Variants in DPP10 observed in about 807,000 individuals in gnomAD.
DPP10 encodes dipeptidyl peptidase like 10.
Under a neutral mutation model 120.9 loss-of-function variants are expected in DPP10, and 33 were observed. The observed-to-expected ratio is 0.27, with a 90% CI of 0.21 to 0.37. The LOEUF (loss-of-function observed/expected upper bound fraction) is 0.37. Among genes scored for constraint, DPP10 ranks in the 10% least tolerant of loss-of-function variants. The pLI, the probability that DPP10 is intolerant of heterozygous loss-of-function variation, is 1.00. For missense variants in DPP10, 816 were observed against 942.8 expected (o/e 0.87, Z 1.76); for synonymous variants, 337 against 326.1 (o/e 1.03, Z -0.36).
rs559025826 is a variant in DPP10, at chr2:115,779,989, C to T, written c.1362-885C>T. Among the ~76,000 whole-genome samples, 9 of 151,994 alleles carry T rather than the reference C, an allele frequency of 5.9e-5. No homozygotes were observed. The South Asian group carries it at 1.7e-3, about 28-fold the overall frequency. The stretch of plus-strand genomic sequence containing the variant: ...CCTGTTCCAATCCCCATACCTACAG[C>T]GTATTGCACATCAAAATCAACGTGA... On this transcript the variant is annotated intron_variant, in intron 15 of 25. Transcript: ENST00000410059.
At chr2:115,647,255 C>T (rs1047791784) in intron 5 of DPP10, among the ~76,000 whole-genome samples, 2 of 152,138 alleles carry the variant, frequency 1.3e-5, no homozygotes, top group Non-Finnish European at 2.9e-5. Context: ...CTATACATTA[C>T]CCAGAGAAAT....
chr2:114,817,282 G>T lies in DPP10; in HGVS notation c.60+374444G>T, dbSNP rs374687887. Among the ~76,000 whole-genome samples the T allele has an allele frequency of 2.1e-4, 30 of 145,784 alleles. No homozygotes were observed. The South Asian group carries it at 6.6e-3, about 32-fold the overall frequency. On this transcript the variant is annotated intron_variant, in intron 1 of 25. Coordinates refer to ENST00000410059, the MANE Select transcript of DPP10 (RefSeq NM_020868.6). ...AAGATTAGACCTATAGTGATAGGGG[G>T]ATATCAGCCAGTGTCCTGGCCAAAA...
At chr2:114,526,787 C>A (rs975718232) in intron 1 of DPP10, among the ~76,000 whole-genome samples, 1 of 152,102 alleles carries the variant, frequency 6.6e-6, no homozygotes, top group Non-Finnish European at 1.5e-5. Context: ...TACCTAATCA[C>A]CTCCCCAAAG....
chr2:115,121,925 C>T (rs1422071131), intron 1 of DPP10, among the ~76,000 whole-genome samples: 1 of 152,172 alleles, frequency 6.6e-6, no homozygotes, highest in East Asian at 1.9e-4. Flanking sequence ...CAAAGGAAAA[C>T]TAGATTTTTG....
At position 114,897,585 on chromosome 2, in the gene DPP10, C is replaced by T. The variant is rs1409498584; in HGVS notation, c.61-411654C>T. ...AACCTACAAAATGGGAGAAAATTTT[C>T]ACAACCTACTCATCTGACAAAGGGC... On this transcript the variant is annotated intron_variant, in intron 1 of 25. Coordinates refer to ENST00000410059, the MANE Select transcript of DPP10 (RefSeq NM_020868.6). 8.6e-5 allele frequency among the ~76,000 whole-genome samples: 13 copies of T among 151,944 alleles called. No individual in the cohort carries two copies. The East Asian group carries it at 1.7e-3, about 20-fold the overall frequency.
intron 13 of DPP10, among the ~76,000 whole-genome samples, chr2:115,772,919 T>C (rs1001278388): frequency 1.3e-5 from 2 of 152,134 alleles, no homozygotes; most frequent in Non-Finnish European, 2.9e-5. Context: ...TGAAAAATTA[T>C]ATGTGGGTGA....
At chr2:115,791,026 G>A (rs1417910708) in intron 17 of DPP10, 55 bp from the exon 18 acceptor site, 5 of 1,303,282 alleles carry the variant, frequency 3.8e-6, no homozygotes, top group Non-Finnish European at 4.3e-6. Flanking sequence ...GTGTCACACT[G>A]ATTCTGTTTA....
At chr2:115,201,136 G>T (rs954287353) in intron 1 of DPP10, among the ~76,000 whole-genome samples, 1 of 152,092 alleles carries the variant, frequency 6.6e-6, no homozygotes, top group Non-Finnish European at 1.5e-5. Context: ...CGTATCTTTG[G>T]TCAACACAGC....
intron 3 of DPP10, among the ~76,000 whole-genome samples, chr2:115,470,888 T>A (rs937710547): frequency 2.6e-5 from 4 of 152,188 alleles, no homozygotes; most frequent in African/African-American, 9.7e-5. Context: ...TTCTTATTAT[T>A]TTACTGCCCT....
At chr2:114,499,265 A>G (rs1365417369) in intron 1 of DPP10, among the ~76,000 whole-genome samples, 1 of 152,208 alleles carries the variant, frequency 6.6e-6, no homozygotes, top group Non-Finnish European at 1.5e-5. Context: ...CTCCTCATGC[A>G]TGTGTAATCC....
chr2:114,892,540 G>T (rs1692626620), intron 1 of DPP10, among the ~76,000 whole-genome samples: 1 of 152,204 alleles, frequency 6.6e-6, no homozygotes, highest in Non-Finnish European at 1.5e-5. Flanking sequence ...CTACAGAGCA[G>T]GTGAAAGAAT....
At chr2:115,836,064 A>T in intron 21 of DPP10, 93 bp from the exon 22 acceptor site, 1 of 627,452 alleles carries the variant, frequency 1.6e-6, no homozygotes, top group Non-Finnish European at 2.3e-6. Flanking sequence ...AAATGTCTCC[A>T]GGCATAGTTG....
chr2:114,464,852 G>GA (rs1679221364), intron 1 of DPP10, among the ~76,000 whole-genome samples: 1 of 152,140 alleles, frequency 6.6e-6, no homozygotes, highest in Admixed American at 6.6e-5. Context: ...ATGACAGAGT[G>GA]AGACTCCATC....
chr2:115,664,839 AGCTTTTGCTGTTC>A (rs2089315195), intron 5 of DPP10, among the ~76,000 whole-genome samples: 1 of 151,510 alleles, frequency 6.6e-6, no homozygotes, highest in Admixed American at 6.6e-5. Flanking sequence ...CCCATGTCTA[AGCTTTTGCTGTTC>A]AACACATCGC....
intron 1 of DPP10, among the ~76,000 whole-genome samples, chr2:114,448,794 A>T (rs1678093130): frequency 6.6e-6 from 1 of 152,176 alleles, no homozygotes; most frequent in Admixed American, 6.6e-5. Context: ...TCTCATCATT[A>T]GGTTTATCTC....
intron 3 of DPP10, among the ~76,000 whole-genome samples, chr2:115,431,225 G>A (rs1441550191): frequency 1.3e-5 from 2 of 152,178 alleles, no homozygotes; most frequent in African/African-American, 2.4e-5. Flanking sequence ...AGTCATGAGA[G>A]GCTTTTTGAG....
At position 114,898,761 on chromosome 2, in the gene DPP10, C is replaced by T. The variant is rs116157842; in HGVS notation, c.61-410478C>T. Among the ~76,000 whole-genome samples, 972 of 152,256 alleles carry T rather than the reference C, an allele frequency of 6.4e-3. 3 individuals carry two copies. Among genetic ancestry groups the T allele is most frequent in the African/African-American group, 0.022 (922 of 41,550 alleles). On this transcript the variant is annotated intron_variant, in intron 1 of 25. Coordinates refer to ENST00000410059, the MANE Select transcript of DPP10 (RefSeq NM_020868.6). ...ACAAGAATGCAGCTCTCAAAGATAT[C>T]GTGTTGCTTTTAACCATTTTCTCCA... is the stretch of plus-strand genomic sequence containing the variant.
At chr2:115,596,350 A>G (rs907736262) in intron 5 of DPP10, among the ~76,000 whole-genome samples, 1 of 152,188 alleles carries the variant, frequency 6.6e-6, no homozygotes, top group Non-Finnish European at 1.5e-5. Context: ...CTATGAAACT[A>G]TGTGAGGTAA....
intron 1 of DPP10, among the ~76,000 whole-genome samples, chr2:114,933,548 A>G (rs1008602665): frequency 6.6e-6 from 1 of 152,222 alleles, no homozygotes; most frequent in African/African-American, 2.4e-5. Flanking sequence ...AACATTCACT[A>G]CTGGTCCTCT....
Sources: allele counts gnomAD v4.1 joint callset (sites outside exome capture counted in the v4.1 genomes callset), GRCh38; gene constraint gnomAD v4.1.1; transcripts MANE v1.5; gene names NCBI Gene and HGNC (gene_info 2026-07-23, HGNC 2026-07-21).